The following PRKRIP1 variants were observed in gnomAD, a reference collection of about 807,000 sequenced individuals.
PRKRIP1 encodes the protein PRKR interacting protein 1.
Under a neutral mutation model 29.3 loss-of-function variants are expected in PRKRIP1, and 29 were observed. The observed-to-expected ratio is 0.99, with a 90% CI of 0.74 to 1.35. The LOEUF is 1.35. Ranked by LOEUF, PRKRIP1 falls within the 40% of genes most tolerant of loss-of-function variation. The probability of loss-of-function intolerance (pLI) is 0.00; values close to 1 mark genes in which losing one functional copy is unlikely to be tolerated. For synonymous variants in PRKRIP1, 90 were observed against 85.1 expected, an observed-to-expected ratio of 1.06 and a Z score of -0.32; for missense variants, 247 against 236.8, an observed-to-expected ratio of 1.04 and a Z score of -0.28.
chr7:102,403,963 A>G (rs1171427040), intron 3 of PRKRIP1, among the ~76,000 whole-genome samples: 1 of 152,148 alleles, frequency 6.6e-6, no homozygotes, highest in African/African-American at 2.4e-5. Flanking sequence ...CCAGGAATTT[A>G]AAACCAGCCT....
At chr7:102,418,885 G>C (rs781935879) in intron 5 of PRKRIP1, among the ~76,000 whole-genome samples, 9 of 151,742 alleles carry the variant, frequency 5.9e-5, no homozygotes, top group Non-Finnish European at 1.2e-4. Flanking sequence ...AATTTGAGAC[G>C]ATGTTACATT....
chr7:102,405,664 G>A (rs1478054211), intron 4 of PRKRIP1: 2 of 157,366 alleles, frequency 1.3e-5, no homozygotes, highest in Non-Finnish European at 2.9e-5. Flanking sequence ...TTTGCCTCAG[G>A]GCTCCCTGGG....
At chr7:102,397,237 C>A (rs1416758567) in intron 1 of PRKRIP1, among the ~76,000 whole-genome samples, 1 of 152,148 alleles carries the variant, frequency 6.6e-6, no homozygotes, top group Non-Finnish European at 1.5e-5. Context: ...AATTAAAATT[C>A]TTTGGTCTTA....
intron 2 of PRKRIP1, among the ~76,000 whole-genome samples, chr7:102,398,440 A>G (rs1257026388): frequency 6.6e-6 from 1 of 151,876 alleles, no homozygotes. Context: ...CCGTGCCACC[A>G]TGCCTGGCTG....
At chr7:102,398,669 A>G (rs1295265572) in intron 2 of PRKRIP1, among the ~76,000 whole-genome samples, 1 of 152,210 alleles carries the variant, frequency 6.6e-6, no homozygotes, top group Non-Finnish European at 1.5e-5. Flanking sequence ...ATAAATTAAC[A>G]TATCTACAGG....
chr7:102,404,728 TG>T (rs1554571643), intron 4 of PRKRIP1, 45 bp downstream of exon 4: 2 of 1,509,372 alleles, frequency 1.3e-6, no homozygotes, highest in Non-Finnish European at 9.2e-7. Flanking sequence ...GGGCCAGGGG[TG>T]GTGGCTGGGT....
At chr7:102,419,845 TTGTGTGTGTGTGTGTGTGTGTGTGTGTG>T (rs56752508) in intron 5 of PRKRIP1, among the ~76,000 whole-genome samples, 1 of 142,718 alleles carries the variant, frequency 7.0e-6, no homozygotes, top group East Asian at 2.0e-4. Context: ...TTTTGTGTTT[TTGTGTGTGTGTGTGTGTGTGTGTGTGTG>T]TGTGTGTGTG....
At chr7:102,415,722 A>G (rs1317387728) in intron 5 of PRKRIP1, among the ~76,000 whole-genome samples, 4 of 152,252 alleles carry the variant, frequency 2.6e-5, no homozygotes, top group Admixed American at 2.0e-4. Context: ...TTTACTAATG[A>G]CAGACCTTAG....
At chr7:102,402,116 T>C (rs1796089843) in intron 3 of PRKRIP1, among the ~76,000 whole-genome samples, 1 of 152,164 alleles carries the variant, frequency 6.6e-6, no homozygotes, top group South Asian at 2.1e-4. Flanking sequence ...GTCACTGCAG[T>C]GGGTTTGCCT....
intron 5 of PRKRIP1, among the ~76,000 whole-genome samples, chr7:102,422,867 T>G (rs1002228186): frequency 5.9e-5 from 9 of 152,126 alleles, no homozygotes; most frequent in African/African-American, 2.2e-4. Flanking sequence ...TAGACTTGGG[T>G]CACATCCCCA....
chr7:102,397,353 C>T (rs6945770), intron 1 of PRKRIP1, among the ~76,000 whole-genome samples: 268 of 152,170 alleles, frequency 1.8e-3, no homozygotes, highest in African/African-American at 6.1e-3. Flanking sequence ...TCAAGACCAG[C>T]CTGGGCAACA....
rs1554570950 is a variant in PRKRIP1 at position 102,399,629 on chromosome 7, T to C, written c.287T>C (p.Met96Thr). 2 of 1,613,726 alleles carry C rather than the reference T, an allele frequency of 1.2e-6. No homozygotes were observed. Among genetic ancestry groups the C allele is most frequent in the South Asian group, 1.1e-5 (1 of 91,076 alleles). The change falls in exon 3 of 6, where the codon ATG becomes ACG. Residue 96 changes from methionine (M) to threonine (T), a missense_variant. Transcript: ENST00000397912. ...RRREYQRQDY[M>T]DAMAEKQKLD... ...AGAGAATATCAGCGACAGGACTACA[T>C]GGATGCCATGGCTGAGAAGGTCAGT...
intron 3 of PRKRIP1, among the ~76,000 whole-genome samples, chr7:102,402,576 G>A (rs1346352291): frequency 2.6e-5 from 4 of 152,106 alleles, no homozygotes; most frequent in South Asian, 2.1e-4. Context: ...CTATAAATTC[G>A]TCTGAAGTTT....
intron 3 of PRKRIP1, among the ~76,000 whole-genome samples, chr7:102,401,647 C>T (rs782615555): frequency 3.3e-5 from 5 of 152,164 alleles, no homozygotes; most frequent in Admixed American, 6.5e-5. Context: ...GCAGGAGAAT[C>T]GCTTGAACCC....
chr7:102,396,550 C>A lies in PRKRIP1; in HGVS notation c.126+13C>A. On this transcript the variant is annotated intron_variant, in intron 1 of 5. Transcript: ENST00000397912. ...CATGAAGAACCCGGTGAGACGAGGC[C>A]CAGGCTCCACGGCCCGTCCGAGGCC... 6.2e-7 allele frequency: 1 copy of A among 1,603,722 alleles called. No homozygotes were observed. Among genetic ancestry groups the A allele is most frequent in the Non-Finnish European group, 8.5e-7 (1 of 1,176,472 alleles).
intron 1 of PRKRIP1, 37 bp downstream of exon 1, chr7:102,396,574 C>G (rs1554570397): frequency 5.0e-6 from 8 of 1,589,474 alleles, no homozygotes; most frequent in Non-Finnish European, 4.3e-6. Context: ...CCGTCCGAGG[C>G]CCACCCCCTT....
At chr7:102,413,869 G>A (rs1205751583) in intron 5 of PRKRIP1, among the ~76,000 whole-genome samples, 1 of 152,140 alleles carries the variant, frequency 6.6e-6, no homozygotes, top group Non-Finnish European at 1.5e-5. Flanking sequence ...CAGTATGCCT[G>A]TAGCCTGTGA....
intron 5 of PRKRIP1, among the ~76,000 whole-genome samples, chr7:102,410,055 G>A (rs1796339008): frequency 6.6e-6 from 1 of 152,110 alleles, no homozygotes; most frequent in Admixed American, 6.6e-5. Flanking sequence ...TGAATGTCTT[G>A]AACCACCGCA....
chr7:102,420,208 A>C (rs534843583), intron 5 of PRKRIP1, among the ~76,000 whole-genome samples: 86 of 152,282 alleles, frequency 5.6e-4, no homozygotes, highest in Non-Finnish European at 1.5e-5. Context: ...TTTTGTGTGC[A>C]CATAAGTTTC....
Sources: allele counts gnomAD v4.1 joint callset (sites outside exome capture counted in the v4.1 genomes callset), GRCh38; gene constraint gnomAD v4.1.1; transcripts MANE v1.5; gene names NCBI Gene and HGNC (gene_info 2026-07-23, HGNC 2026-07-21).